Variants in COLEC10 observed in about 807,000 individuals in gnomAD.
COLEC10 encodes the protein collectin-10.
Under a neutral mutation model 28.4 loss-of-function variants are expected in COLEC10, and 22 were observed. The observed-to-expected ratio is 0.78, with a 90% CI of 0.55 to 1.11. COLEC10 has a LOEUF of 1.11. Ranked by LOEUF, COLEC10 falls within the 50% of genes least tolerant of loss-of-function variation. The pLI, the probability that COLEC10 is intolerant of heterozygous loss-of-function variation, is 0.00. For synonymous variants in COLEC10, 125 were observed against 116.1 expected, an observed-to-expected ratio of 1.08 and a Z score of -0.49; for missense variants, 361 against 344.1, an observed-to-expected ratio of 1.05 and a Z score of -0.39.
At chr8:119,066,091 T>C (rs1037015108), upstream of COLEC10, among the ~76,000 whole-genome samples, 7 of 152,292 alleles carry the variant, frequency 4.6e-5, no homozygotes, top group South Asian at 1.4e-3. Context: ...CTTGGATTGA[T>C]GGTTACTTGT....
chr8:119,105,730 A>G (rs1815923707), intron 5 of COLEC10, 70 bp from the exon 6 acceptor site: 2 of 1,295,296 alleles, frequency 1.5e-6, no homozygotes, highest in East Asian at 4.9e-5. Context: ...AAATCTGGCA[A>G]TATCATATAA....
At chr8:119,016,788 C>A (rs1813999116) in intron 2 of COLEC10, among the ~76,000 whole-genome samples, 1 of 152,188 alleles carries the variant, frequency 6.6e-6, no homozygotes, top group African/African-American at 2.4e-5. Context: ...ACAATCTCAG[C>A]TCACTGCAAC....
intron 2 of COLEC10, 60 bp from the exon 3 acceptor site, chr8:119,091,089 A>T (rs1815582424): frequency 3.8e-6 from 5 of 1,310,860 alleles, no homozygotes. Context: ...ATATCACATT[A>T]GCCACATTTC....
At chr8:119,041,560 T>C (rs569707509) in intron 2 of COLEC10, among the ~76,000 whole-genome samples, 62 of 152,306 alleles carry the variant, frequency 4.1e-4, no homozygotes, top group Non-Finnish European at 7.2e-4. Flanking sequence ...CCCAATATAC[T>C]ACTTGAATTT....
intron 3 of COLEC10, among the ~76,000 whole-genome samples, chr8:119,092,931 C>T (rs1248436931): frequency 1.3e-5 from 2 of 151,932 alleles, no homozygotes; most frequent in African/African-American, 2.4e-5. Context: ...AATTATAATA[C>T]TGAATAACAT....
chr8:119,083,807 C>T (rs935072363), intron 1 of COLEC10, among the ~76,000 whole-genome samples: 8 of 151,920 alleles, frequency 5.3e-5, no homozygotes, highest in East Asian at 3.9e-4. Flanking sequence ...CAGTATATTA[C>T]GTTAAAATGT....
the COLEC10 span, among the ~76,000 whole-genome samples, chr8:118,958,398 G>A: frequency 2.0e-5 from 3 of 152,210 alleles, no homozygotes; most frequent in African/African-American, 7.2e-5. Flanking sequence ...TAAAGCTTAA[G>A]TCACACTTGC....
At chr8:119,077,243 ATTTTTTTTT>A (rs762180766) in intron 1 of COLEC10, among the ~76,000 whole-genome samples, 1 of 90,290 alleles carries the variant, frequency 1.1e-5, no homozygotes, top group African/African-American at 4.2e-5. Flanking sequence ...GTAGAGAATG[ATTTTTTTTT>A]TTTTTTTTTT....
At chr8:118,966,031 T>C in the COLEC10 span, among the ~76,000 whole-genome samples, 1 of 152,068 alleles carries the variant, frequency 6.6e-6, no homozygotes, top group South Asian at 2.1e-4. Context: ...AATTTGGCAA[T>C]GGTTTTATAA....
chr8:119,102,165 A>G (rs1290654873), intron 3 of COLEC10, among the ~76,000 whole-genome samples, 183 bp from the exon 4 acceptor site: 2 of 152,040 alleles, frequency 1.3e-5, no homozygotes, highest in Non-Finnish European at 2.9e-5. Context: ...TAGATATTGC[A>G]AATACAATTT....
At chr8:118,954,634 C>T in the COLEC10 span, among the ~76,000 whole-genome samples, 1 of 152,204 alleles carries the variant, frequency 6.6e-6, no homozygotes, top group African/African-American at 2.4e-5. Context: ...ATATATGTGA[C>T]GCTAACTTTC....
At chr8:119,044,062 G>A (rs1191787515) in intron 2 of COLEC10, among the ~76,000 whole-genome samples, 1 of 152,246 alleles carries the variant, frequency 6.6e-6, no homozygotes, top group Non-Finnish European at 1.5e-5. Flanking sequence ...CCATTAGGCT[G>A]TTGGAAGCAC....
the COLEC10 span, among the ~76,000 whole-genome samples, chr8:118,971,007 T>A: frequency 1.3e-5 from 2 of 152,000 alleles, no homozygotes; most frequent in African/African-American, 4.8e-5. Flanking sequence ...TGTCTACTAG[T>A]CTTCCTATTT....
chr8:119,023,676 G>A (rs1814136241), intron 2 of COLEC10, among the ~76,000 whole-genome samples: 1 of 152,012 alleles, frequency 6.6e-6, no homozygotes, highest in Admixed American at 6.6e-5. Context: ...CAGAACAATG[G>A]CATTGTTTCT....
intron 1 of COLEC10, among the ~76,000 whole-genome samples, chr8:119,005,529 G>C (rs988235609): frequency 1.3e-5 from 2 of 152,108 alleles, no homozygotes; most frequent in Non-Finnish European, 2.9e-5. Context: ...TGATGTGTGG[G>C]AGACAGAATC....
chr8:119,006,103 C>T (rs1389443988), intron 1 of COLEC10, among the ~76,000 whole-genome samples: 1 of 152,024 alleles, frequency 6.6e-6, no homozygotes, highest in Non-Finnish European at 1.5e-5. Flanking sequence ...ATTTTCTACC[C>T]TCTGTCTCTG....
intron 2 of COLEC10, among the ~76,000 whole-genome samples, chr8:119,057,715 A>C (rs987027556): frequency 6.6e-6 from 1 of 152,106 alleles, no homozygotes; most frequent in Non-Finnish European, 1.5e-5. Context: ...ACACATATCT[A>C]TCATTCAAGC....
the COLEC10 span, among the ~76,000 whole-genome samples, chr8:118,985,501 A>AT: frequency 6.6e-6 from 1 of 152,032 alleles, no homozygotes. Context: ...TAAATGTGTT[A>AT]TTTTAAAAAA....
At chr8:119,076,416 C>G (rs1294102829) in intron 1 of COLEC10, among the ~76,000 whole-genome samples, 1 of 152,014 alleles carries the variant, frequency 6.6e-6, no homozygotes, top group Non-Finnish European at 1.5e-5. Flanking sequence ...CACCTGCCAC[C>G]ACATCCAGCT....
Sources: gnomAD v4.1 joint callset for allele counts (sites outside exome capture counted in the v4.1 genomes callset) on GRCh38, gnomAD v4.1.1 for gene constraint, MANE v1.5 for transcripts, NCBI Gene and HGNC (gene_info 2026-07-23, HGNC 2026-07-21) for gene names.